The following GPR158 variants were observed in gnomAD, a reference collection of about 807,000 sequenced individuals.
GPR158 encodes G protein-coupled receptor 158, also known as metabotropic glycine receptor.
A neutral mutation model predicts 78.2 loss-of-function variants in GPR158; 30 were observed. The observed-to-expected ratio is 0.38, with a 90% CI of 0.29 to 0.52. The LOEUF (loss-of-function observed/expected upper bound fraction) is 0.52, where lower values mean the gene tolerates loss of function less well. Ranked by LOEUF, GPR158 falls within the 20% of genes least tolerant of loss-of-function variation. GPR158 has a pLI of 0.83. For synonymous variants in GPR158, 581 were observed against 591.1 expected (o/e 0.98, Z 0.25); for missense variants, 1,463 against 1,523.5 (o/e 0.96, Z 0.66).
In GPR158 at chr10:25,594,281, T is replaced by TGTTAA; in HGVS notation, c.1893-11_1893-10insGTTAA. 1 of 1,322,760 alleles carries TGTTAA rather than the reference T, an allele frequency of 7.6e-7. No homozygotes were observed. Among genetic ancestry groups the TGTTAA allele is most frequent in the African/African-American group, 1.4e-5 (1 of 69,478 alleles). 81.9% of individuals were successfully genotyped at this position (1,322,760 alleles called of 1,614,324 possible). ...ATCTTGGATTGTTAACTCAATGAAT[T>TGTTAA]CTCATTTCAGATTTGTTCTTGCCTC... On this transcript the variant is annotated splice_polypyrimidine_tract_variant and intron_variant, in intron 8 of 10. Coordinates refer to ENST00000376351, the MANE Select transcript of GPR158 (RefSeq NM_020752.3).
At chr10:25,186,848 A>T (rs1852694697) in intron 1 of GPR158, among the ~76,000 whole-genome samples, 1 of 152,166 alleles carries the variant, frequency 6.6e-6, no homozygotes, top group South Asian at 2.1e-4. Context: ...GTAGAAAAAG[A>T]GGGAATCCTC....
intron 2 of GPR158, among the ~76,000 whole-genome samples, chr10:25,370,738 T>G (rs1588830375): frequency 6.6e-6 from 1 of 151,212 alleles, no homozygotes; most frequent in African/African-American, 2.4e-5. Context: ...ACTTTCTGTC[T>G]CGTTGATCTG....
chr10:25,200,856 G>GTTTTTTTTTTTTTTTTTTTTTTT (rs764033840), intron 1 of GPR158, among the ~76,000 whole-genome samples: 1 of 115,412 alleles, frequency 8.7e-6, no homozygotes, highest in African/African-American at 3.2e-5. Context: ...CTATGTATCT[G>GTTTTTTTTTTTTTTTTTTTTTTT]TTTTTTGTTT....
intron 6 of GPR158, among the ~76,000 whole-genome samples, chr10:25,555,110 AAG>A (rs1473166260): frequency 2.0e-5 from 3 of 152,090 alleles, no homozygotes; most frequent in African/African-American, 4.8e-5. Context: ...AAGAAAAAGA[AAG>A]AGGTTATTGT....
chr10:25,553,394 T>G (rs1440284855), intron 6 of GPR158, among the ~76,000 whole-genome samples: 1 of 152,182 alleles, frequency 6.6e-6, no homozygotes, highest in African/African-American at 2.4e-5. Context: ...AGGCTTAAAT[T>G]GAAACTATTG....
chr10:25,543,579 C>T (rs35018399), intron 5 of GPR158, among the ~76,000 whole-genome samples: 37,559 of 151,928 alleles, frequency 0.25, 5,619 homozygotes, highest in Non-Finnish European at 0.33. Flanking sequence ...ACTTAAATAA[C>T]GTTTGTTACA....
intron 2 of GPR158, among the ~76,000 whole-genome samples, chr10:25,319,830 C>A (rs570264213): frequency 1.2e-4 from 17 of 146,108 alleles, no homozygotes; most frequent in Admixed American, 5.5e-4. Context: ...CCACCCCCCC[C>A]AAAAAAAAAC....
chr10:25,409,145 G>T (rs943347598), intron 3 of GPR158, among the ~76,000 whole-genome samples: 3 of 152,028 alleles, frequency 2.0e-5, no homozygotes, highest in African/African-American at 7.2e-5. Flanking sequence ...TTCCTCTTTC[G>T]CCTTTTTACC....
At chr10:25,343,029 C>G (rs1855325652) in intron 2 of GPR158, among the ~76,000 whole-genome samples, 6 of 151,826 alleles carry the variant, frequency 4.0e-5, no homozygotes, top group Admixed American at 3.3e-4. Flanking sequence ...ATGAAAGTCT[C>G]TGATTTGAGT....
chr10:25,329,215 T>A (rs982825153), intron 2 of GPR158, among the ~76,000 whole-genome samples: 3 of 151,954 alleles, frequency 2.0e-5, no homozygotes, highest in African/African-American at 7.2e-5. Flanking sequence ...GGCGGGCAGA[T>A]CACGAGGTCA....
chr10:25,256,626 A>G (rs537821653), intron 2 of GPR158, among the ~76,000 whole-genome samples: 3 of 152,310 alleles, frequency 2.0e-5, no homozygotes, highest in African/African-American at 4.8e-5. Flanking sequence ...TTGAGACTGC[A>G]GTGAGCCATG....
chr10:25,270,050 G>T (rs984083503), intron 2 of GPR158, among the ~76,000 whole-genome samples: 1 of 151,998 alleles, frequency 6.6e-6, no homozygotes, highest in African/African-American at 2.4e-5. Context: ...CTGGTTCAAG[G>T]ACAAAGATTT....
At chr10:25,474,513 C>T (rs1835554055) in intron 5 of GPR158, among the ~76,000 whole-genome samples, 1 of 152,054 alleles carries the variant, frequency 6.6e-6, no homozygotes, top group African/African-American at 2.4e-5. Context: ...TTTCCTCGAC[C>T]CCTAATCTGA....
intron 1 of GPR158, among the ~76,000 whole-genome samples, chr10:25,218,830 G>A (rs1301889171): frequency 6.6e-6 from 1 of 150,840 alleles, no homozygotes; most frequent in Non-Finnish European, 1.5e-5. Flanking sequence ...CCCTTTATCT[G>A]CTGGAAGTTG....
At chr10:25,541,216 C>A (rs1014514491) in intron 5 of GPR158, among the ~76,000 whole-genome samples, 1 of 151,832 alleles carries the variant, frequency 6.6e-6, no homozygotes, top group African/African-American at 2.4e-5. Context: ...CTAGTGAGGA[C>A]TTGCCAATCA....
At chr10:25,579,737 A>G (rs896390602) in intron 7 of GPR158, among the ~76,000 whole-genome samples, 1 of 152,230 alleles carries the variant, frequency 6.6e-6, no homozygotes, top group African/African-American at 2.4e-5. Flanking sequence ...GCAAGCGCTG[A>G]GCTGTTTCCA....
intron 2 of GPR158, among the ~76,000 whole-genome samples, chr10:25,266,992 T>A (rs1854053033): frequency 6.6e-6 from 1 of 152,194 alleles, no homozygotes; most frequent in Non-Finnish European, 1.5e-5. Context: ...ATTTGATTAT[T>A]TAAGTAAATA....
chr10:25,241,513 T>G (rs1158236420), intron 2 of GPR158, among the ~76,000 whole-genome samples: 1 of 148,384 alleles, frequency 6.7e-6, no homozygotes, highest in East Asian at 2.0e-4. Flanking sequence ...CTCTGCCTCC[T>G]GGGTTCAAGC....
intron 5 of GPR158, among the ~76,000 whole-genome samples, chr10:25,539,574 G>C (rs937082022): frequency 5.3e-5 from 8 of 150,122 alleles, no homozygotes; most frequent in Non-Finnish European, 1.2e-4. Context: ...ATTTTGGAGA[G>C]GATGTATTGG....
Sources: allele counts gnomAD v4.1 joint callset (sites outside exome capture counted in the v4.1 genomes callset), GRCh38; gene constraint gnomAD v4.1.1; transcripts MANE v1.5; gene names NCBI Gene and HGNC (gene_info 2026-07-23, HGNC 2026-07-21).